Variants in RABL3 observed in about 807,000 individuals in gnomAD.
RABL3 encodes the protein rab-like protein 3.
Under a neutral mutation model 31.8 loss-of-function variants are expected in RABL3, and 31 were observed. The ratio of observed to expected loss-of-function variants is 0.97; its 90% CI spans 0.73 to 1.31. RABL3 has a LOEUF of 1.31. RABL3 is among the 40% of genes most tolerant of loss of function. The probability of loss-of-function intolerance (pLI) is 0.00; values close to 1 mark genes in which losing one functional copy is unlikely to be tolerated. For missense variants in RABL3, 263 were observed against 279.6 expected (o/e 0.94, Z 0.42); for synonymous variants, 97 against 99.9 (o/e 0.97, Z 0.18).
chr3:120,730,571 G>T, intron 2 of RABL3, 125 bp downstream of exon 2: 1 of 656,656 alleles, frequency 1.5e-6, no homozygotes, highest in South Asian at 1.9e-5. Context: ...CTGGCACATA[G>T]TATGAATGTA....
At chr3:120,714,178 G>A (rs1708642818) in intron 2 of RABL3, among the ~76,000 whole-genome samples, 1 of 152,192 alleles carries the variant, frequency 6.6e-6, no homozygotes, top group Admixed American at 6.5e-5. Context: ...AGAAAGAACA[G>A]TGGATATTGT....
chr3:120,705,635 C>CTTA (rs1708539797), intron 4 of RABL3, among the ~76,000 whole-genome samples: 1 of 152,202 alleles, frequency 6.6e-6, no homozygotes, highest in African/African-American at 2.4e-5. Flanking sequence ...ACAAAACTAA[C>CTTA]TTAGATCATA....
rs1239744449 is a variant in RABL3, at chr3:120,694,152, C to T, written c.606+1G>A. 6.3e-7 allele frequency: 1 copy of T among 1,592,574 alleles called. No individual in the cohort carries two copies. Among genetic ancestry groups the T allele is most frequent in the Non-Finnish European group, 8.6e-7 (1 of 1,162,684 alleles). ...AAAAATAACTTAATTGAAACCATTACCTTATCAAAAAACCTACTGAGCTTG... is the reference window on the plus strand; with the variant it reads ...AAAAATAACTTAATTGAAACCATTATCTTATCAAAAAACCTACTGAGCTTG... On this transcript the variant is annotated splice_donor_variant, in intron 6 of 7. Transcript: ENST00000273375. LOFTEE classifies it high-confidence loss of function.
rs2107571451 is a variant in RABL3 at position 120,687,844 on chromosome 3, T to A, written c.*1979A>T. The A allele has an allele frequency of 6.6e-6, 1 of 152,090 alleles. No homozygotes were observed. Among genetic ancestry groups the A allele is most frequent in the Non-Finnish European group, 1.5e-5 (1 of 67,992 alleles). 9.4% of individuals were successfully genotyped at this position (152,090 alleles called of 1,614,324 possible). The stretch of plus-strand genomic sequence containing the variant: ...TGGAGTCTCACTCTGTCACCTAGGC[T>A]GGAGTGCAGTGACACGATCTTGACT... On this transcript the variant is annotated 3_prime_UTR_variant, in exon 8 of 8. Coordinates refer to ENST00000273375, the MANE Select transcript of RABL3 (RefSeq NM_173825.5).
intron 1 of RABL3, among the ~76,000 whole-genome samples, chr3:120,732,089 A>G (rs1318831153): frequency 6.6e-6 from 1 of 152,210 alleles, no homozygotes; most frequent in African/African-American, 2.4e-5. Context: ...ACTACTGTCA[A>G]CATGAAGGTT....
intron 5 of RABL3, among the ~76,000 whole-genome samples, chr3:120,696,616 C>G (rs1576331461): frequency 1.3e-5 from 2 of 152,010 alleles, no homozygotes; most frequent in East Asian, 3.9e-4. Flanking sequence ...CACACACACA[C>G]ACACACACAC....
chr3:120,725,704 A>T (rs141255898), intron 2 of RABL3, among the ~76,000 whole-genome samples: 258 of 152,316 alleles, frequency 1.7e-3, no homozygotes, highest in African/African-American at 4.8e-3. Flanking sequence ...AGGACAAAAA[A>T]CCAAACACCA....
At chr3:120,708,368 TTTC>T (rs1233722462) in intron 3 of RABL3, among the ~76,000 whole-genome samples, 1 of 152,024 alleles carries the variant, frequency 6.6e-6, no homozygotes, top group Non-Finnish European at 1.5e-5. Flanking sequence ...ATTAGATGGA[TTTC>T]TTCTTCAGCA....
In RABL3 at chr3:120,709,915, AAATC is replaced by A. The variant is rs1708594274; in HGVS notation, c.139-10_139-7del. The A allele has an allele frequency of 1.3e-6, 2 of 1,579,372 alleles. No homozygotes were observed. The highest frequency in any genetic ancestry group is 1.7e-6 in the Non-Finnish European group (2 of 1,161,954). ...CCTTCTTTGTAATCATGAACCTAAC[AAATC>A]AATCAATTAAAATAATTAATATAGC... On this transcript the variant is annotated splice_region_variant and splice_polypyrimidine_tract_variant and intron_variant, in intron 2 of 7. Coordinates refer to ENST00000273375, the MANE Select transcript of RABL3 (RefSeq NM_173825.5).
rs751926886 is a variant in RABL3 at position 120,689,825 on chromosome 3, A to G, written c.709T>C (p.Ter237ArgextTer81). ...AGTLKSLHYD[*>R] is the part of the protein sequence containing the mutation. ...CTCTTCCAAAGGATGAGTGTAATTC[A>G]GTCATAATGAAGGCTCTTTAATGTT... Residue 237 changes from the stop codon to arginine (R), a stop_lost, in exon 8 of 8, where the codon TGA (stop) becomes CGA (arginine). Coordinates refer to ENST00000273375, the MANE Select transcript of RABL3 (RefSeq NM_173825.5). 6.2e-7 allele frequency: 1 copy of G among 1,608,984 alleles called. No homozygotes were observed. Among genetic ancestry groups the G allele is most frequent in the South Asian group, 1.1e-5 (1 of 90,916 alleles).
intron 5 of RABL3, among the ~76,000 whole-genome samples, chr3:120,696,864 C>T (rs1166445683): frequency 6.6e-6 from 1 of 152,010 alleles, no homozygotes; most frequent in Non-Finnish European, 1.5e-5. Flanking sequence ...TCAAATATTC[C>T]ATTGTGGCAG....
chr3:120,712,522 T>C (rs548212471), intron 2 of RABL3, among the ~76,000 whole-genome samples: 128 of 152,218 alleles, frequency 8.4e-4, no homozygotes, highest in African/African-American at 2.9e-3. Flanking sequence ...GCGACTTCAG[T>C]TAAGTCTTTC....
chr3:120,742,616 G>A (rs556908697), upstream of RABL3: 100 of 1,100,410 alleles, frequency 9.1e-5, 1 homozygote, highest in South Asian at 1.2e-3. Context: ...GAGCGTGACT[G>A]TCTTGATCGA....
chr3:120,723,314 C>T (rs1041204792), intron 2 of RABL3, among the ~76,000 whole-genome samples: 2 of 152,050 alleles, frequency 1.3e-5, no homozygotes, highest in Non-Finnish European at 2.9e-5. Context: ...TAATAGCTTA[C>T]CAAGCAAAAA....
chr3:120,738,519 C>G (rs376347616), intron 1 of RABL3: 1 of 153,082 alleles, frequency 6.5e-6, no homozygotes. Context: ...GTGAAATGAA[C>G]TTGGTACCTC....
intron 2 of RABL3, among the ~76,000 whole-genome samples, chr3:120,718,319 T>C (rs894629009): frequency 3.9e-5 from 6 of 152,206 alleles, no homozygotes; most frequent in African/African-American, 1.4e-4. Context: ...ACTCCAAAGC[T>C]ACTTCTAGTG....
At position 120,690,369 on chromosome 3, in the gene RABL3, T is replaced by TA. The variant is rs754237890; in HGVS notation, c.645+79dup. 3.1e-4 allele frequency: 335 copies of TA among 1,064,678 alleles called. 2 individuals carry two copies. The highest frequency in any genetic ancestry group is 8.0e-4 in the South Asian group (60 of 75,366). The allele number at this position is 1,064,678 out of a possible 1,614,324, so 66.0% of individuals were successfully genotyped here. A position where few individuals can be genotyped will look rare whatever the true frequency, so the allele number is the denominator to read the frequency against. Reference sequence around the variant, plus strand: ...CTATAAAGGGCTTTCCCCAACTTTTTAAAACTACTTCTGAACTTAAATTTG... The same window carrying TA: ...CTATAAAGGGCTTTCCCCAACTTTTTAAAAACTACTTCTGAACTTAAATTTG... On this transcript the variant is annotated intron_variant, in intron 7 of 7. Coordinates refer to ENST00000273375, the MANE Select transcript of RABL3 (RefSeq NM_173825.5).
Position 120,718,926 on chromosome 3 carries a change from T to C in RABL3, c.139-9017A>G, listed in dbSNP as rs553527762. ...ATCCTTTAGGAAGTTCAAACAATCA[T>C]AAATTAGTACTCACCTAGTAATATA... is the stretch of plus-strand genomic sequence containing the variant. On this transcript the variant is annotated intron_variant, in intron 2 of 7. Transcript: ENST00000273375. 6.6e-5 allele frequency among the ~76,000 whole-genome samples: 10 copies of C among 152,294 alleles called. No individual in the cohort carries two copies. In the East Asian group the frequency reaches 1.7e-3, roughly 26 times the overall value.
At chr3:120,738,210 C>T (rs948909966) in intron 1 of RABL3, among the ~76,000 whole-genome samples, 18 of 152,234 alleles carry the variant, frequency 1.2e-4, no homozygotes, top group Admixed American at 2.0e-4. Flanking sequence ...CAATGGCGGG[C>T]GCCCCTCCCC....
Sources: gnomAD v4.1 joint callset for allele counts (sites outside exome capture counted in the v4.1 genomes callset) on GRCh38, gnomAD v4.1.1 for gene constraint, MANE v1.5 for transcripts, NCBI Gene and HGNC (gene_info 2026-07-23, HGNC 2026-07-21) for gene names.